GRID1: variants seen among roughly 807,000 people sequenced by gnomAD.
The protein encoded by GRID1 is glutamate ionotropic receptor delta type subunit 1.
GRID1 carries 28 observed loss-of-function variants against 98.0 expected under a neutral mutation model. The observed-to-expected ratio is 0.29, with a 90% CI of 0.21 to 0.39. The LOEUF is 0.39. GRID1 is among the 10% of genes least tolerant of loss of function. The probability of loss-of-function intolerance (pLI) is 1.00; values close to 1 mark genes in which losing one functional copy is unlikely to be tolerated. For synonymous variants in GRID1, 553 were observed against 538.5 expected (o/e 1.03, Z -0.37); for missense variants, 1,111 against 1,340.5 (o/e 0.83, Z 2.67).
intron 6 of GRID1, 53 bp from the exon 7 acceptor site, chr10:85,856,243 T>C: frequency 6.5e-7 from 1 of 1,537,316 alleles, no homozygotes; most frequent in East Asian, 2.3e-5. Flanking sequence ...TCTAGAGAGC[T>C]TTGGAGAAAC....
At chr10:86,351,186 G>C (rs2132116646) in intron 2 of GRID1, among the ~76,000 whole-genome samples, 1 of 152,376 alleles carries the variant, frequency 6.6e-6, no homozygotes, top group East Asian at 1.9e-4. Flanking sequence ...TACAATGAAA[G>C]GAGGATCAGC....
intron 12 of GRID1, among the ~76,000 whole-genome samples, chr10:85,664,180 G>A (rs1418073550): frequency 6.6e-6 from 1 of 152,148 alleles, no homozygotes; most frequent in Admixed American, 6.5e-5. Flanking sequence ...ATTAGTCTGA[G>A]AGTCAACATG....
chr10:86,317,599 C>T (rs181079530), intron 2 of GRID1, among the ~76,000 whole-genome samples: 20 of 152,036 alleles, frequency 1.3e-4, no homozygotes, highest in African/African-American at 4.8e-4. Context: ...GGGCAGGCCT[C>T]GGGCAGCAAG....
intron 4 of GRID1, among the ~76,000 whole-genome samples, chr10:86,137,685 T>A (rs147453756): frequency 9.2e-5 from 14 of 152,226 alleles, no homozygotes; most frequent in African/African-American, 3.4e-4. Flanking sequence ...CAGGGCAACA[T>A]GTTCTGGTGA....
intron 13 of GRID1, among the ~76,000 whole-genome samples, chr10:85,623,674 T>A (rs1842880951): frequency 6.6e-6 from 1 of 152,190 alleles, no homozygotes; most frequent in African/African-American, 2.4e-5. Flanking sequence ...ATCCCACTCC[T>A]AGGTTCAGAC....
chr10:86,295,917 C>G (rs1237243058), intron 2 of GRID1, among the ~76,000 whole-genome samples: 1 of 152,236 alleles, frequency 6.6e-6, no homozygotes, highest in Non-Finnish European at 1.5e-5. Flanking sequence ...AGTTCCTCAG[C>G]TGACTCAAAC....
At position 86,360,548 on chromosome 10, in the gene GRID1, T is replaced by G. The variant is rs529688828; in HGVS notation, c.235+3393A>C. Reference sequence around the variant, plus strand: ...AAGAGCTAAAAATGAAAAGGTCAGTTTAGGTCCTCTCTCAAGGAATTCACT... The same window carrying G: ...AAGAGCTAAAAATGAAAAGGTCAGTGTAGGTCCTCTCTCAAGGAATTCACT... On this transcript the variant is annotated intron_variant, in intron 2 of 15. Coordinates refer to ENST00000327946, the MANE Select transcript of GRID1 (RefSeq NM_017551.3). Among the ~76,000 whole-genome samples, 104 of 152,314 alleles carry G rather than the reference T, an allele frequency of 6.8e-4. 1 individual carries two copies. Among genetic ancestry groups the G allele is most frequent in the African/African-American group, 2.4e-3 (101 of 41,560 alleles).
intron 2 of GRID1, among the ~76,000 whole-genome samples, chr10:86,224,562 G>A (rs986649420): frequency 1.3e-5 from 2 of 152,130 alleles, no homozygotes; most frequent in African/African-American, 2.4e-5. Context: ...TAGGGGAGAC[G>A]CACTCTACTC....
At chr10:85,762,558 G>A (rs535801003) in intron 8 of GRID1, among the ~76,000 whole-genome samples, 1 of 152,230 alleles carries the variant, frequency 6.6e-6, no homozygotes, top group South Asian at 2.1e-4. Flanking sequence ...CCCAATGTGG[G>A]AACTGTGCCT....
intron 8 of GRID1, among the ~76,000 whole-genome samples, chr10:85,769,643 G>A (rs865985295): frequency 6.6e-6 from 1 of 152,216 alleles, no homozygotes; most frequent in Admixed American, 6.5e-5. Flanking sequence ...TTTCCAACGG[G>A]CTTAAAAAAT....
intron 2 of GRID1, among the ~76,000 whole-genome samples, chr10:86,209,880 G>A (rs1846082842): frequency 6.6e-6 from 1 of 152,106 alleles, no homozygotes; most frequent in Non-Finnish European, 1.5e-5. Flanking sequence ...TTCTGAAGTG[G>A]CAGAACCTCT....
At chr10:85,835,595 T>A (rs1842905506) in intron 8 of GRID1, among the ~76,000 whole-genome samples, 1 of 152,212 alleles carries the variant, frequency 6.6e-6, no homozygotes, top group South Asian at 2.1e-4. Context: ...AGTCAATCAA[T>A]TAAACCTCTT....
At chr10:85,682,498 T>C (rs1841221865) in intron 12 of GRID1, among the ~76,000 whole-genome samples, 1 of 152,202 alleles carries the variant, frequency 6.6e-6, no homozygotes, top group Non-Finnish European at 1.5e-5. Flanking sequence ...ACTCCCACCA[T>C]AGACAACTTT....
chr10:85,901,023 A>G (rs991036685), intron 5 of GRID1, among the ~76,000 whole-genome samples: 1 of 152,170 alleles, frequency 6.6e-6, no homozygotes, highest in Non-Finnish European at 1.5e-5. Flanking sequence ...ATGAGACTTC[A>G]GGAAGAACTA....
chr10:85,877,712 A>G (rs892354763), intron 5 of GRID1, among the ~76,000 whole-genome samples: 7 of 152,198 alleles, frequency 4.6e-5, no homozygotes, highest in African/African-American at 1.7e-4. Context: ...AAAGCAGAGC[A>G]CCTCTCCTCC....
chr10:85,722,189 A>G (rs1156303946), intron 12 of GRID1, among the ~76,000 whole-genome samples: 1 of 152,200 alleles, frequency 6.6e-6, no homozygotes, highest in Non-Finnish European at 1.5e-5. Flanking sequence ...GCTATGGATC[A>G]AAAGAACCAA....
chr10:85,733,250 A>G (rs1183186037), intron 8 of GRID1, among the ~76,000 whole-genome samples: 1 of 152,146 alleles, frequency 6.6e-6, no homozygotes, highest in Non-Finnish European at 1.5e-5. Flanking sequence ...CAGCTGTGGC[A>G]TTGGGGTTTC....
intron 4 of GRID1, among the ~76,000 whole-genome samples, chr10:85,995,069 C>T (rs946510545): frequency 1.3e-5 from 2 of 152,064 alleles, no homozygotes; most frequent in African/African-American, 2.4e-5. Flanking sequence ...GTTAGACTTG[C>T]GGATTTTTAT....
rs1255245036 is a variant in GRID1, at chr10:85,600,656, C to T, written c.*1617G>A. 2.0e-5 allele frequency: 3 copies of T among 152,224 alleles called. No individual in the cohort carries two copies. Among genetic ancestry groups the T allele is most frequent in the Non-Finnish European group, 4.4e-5 (3 of 68,048 alleles). The allele number at this position is 152,224 out of a possible 1,614,324, so 9.4% of individuals were successfully genotyped here. A position where few individuals can be genotyped will look rare whatever the true frequency, so the allele number is the denominator to read the frequency against. ...CATTCTGACGGGTCTGGAGATCAGA[C>T]TAACCTTTGTCTTTAGGAGAGGAAC... On this transcript the variant is annotated 3_prime_UTR_variant, in exon 16 of 16. Transcript: ENST00000327946.
Sources: gnomAD v4.1 joint callset for allele counts (sites outside exome capture counted in the v4.1 genomes callset) on GRCh38, gnomAD v4.1.1 for gene constraint, MANE v1.5 for transcripts, NCBI Gene and HGNC (gene_info 2026-07-23, HGNC 2026-07-21) for gene names.